Variants in CACNB2 observed in about 807,000 individuals in gnomAD.
CACNB2 encodes the protein calcium voltage-gated channel auxiliary subunit beta 2.
In CACNB2, 42 loss-of-function variants were observed where a neutral mutation model predicts 73.3. The ratio of observed to expected loss-of-function variants is 0.57; its 90% confidence interval spans 0.45 to 0.74. The LOEUF (loss-of-function observed/expected upper bound fraction) is 0.74. CACNB2 is among the 30% of genes least tolerant of loss of function. CACNB2 has a pLI of 0.00. For synonymous variants in CACNB2, 348 were observed against 310.3 expected (o/e 1.12, Z -1.28); for missense variants, 940 against 853.0 (o/e 1.10, Z -1.27).
At chr10:18,239,703 A>T (rs543643528) in intron 2 of CACNB2, among the ~76,000 whole-genome samples, 7 of 152,296 alleles carry the variant, frequency 4.6e-5, no homozygotes, top group Non-Finnish European at 1.0e-4. Flanking sequence ...GTACAATTAT[A>T]TTAATTAAGT....
intron 3 of CACNB2, among the ~76,000 whole-genome samples, chr10:18,488,616 G>A (rs1446343810): frequency 6.6e-6 from 1 of 151,808 alleles, no homozygotes; most frequent in East Asian, 1.9e-4. Context: ...TCTAACATGT[G>A]AAGGTGTTCA....
chr10:18,193,457 C>T (rs1232448395), intron 2 of CACNB2, among the ~76,000 whole-genome samples: 1 of 152,082 alleles, frequency 6.6e-6, no homozygotes, highest in African/African-American at 2.4e-5. Context: ...AAGGAAAAGG[C>T]CCTTTTAATG....
intron 2 of CACNB2, among the ~76,000 whole-genome samples, chr10:18,234,851 A>G (rs2036370179): frequency 6.6e-6 from 1 of 152,202 alleles, no homozygotes; most frequent in South Asian, 2.1e-4. Context: ...ACACTTAAAA[A>G]TAGTTAAAAG....
At chr10:18,171,543 A>AAAAAAAAAAAAAAAAAAAAAAAAAG (rs1564314409) in intron 2 of CACNB2, among the ~76,000 whole-genome samples, 1 of 138,888 alleles carries the variant, frequency 7.2e-6, no homozygotes, top group African/African-American at 3.2e-5. Flanking sequence ...AAAAAAAAAA[A>AAAAAAAAAAAAAAAAAAAAAAAAAG]AAAAAAGGCT....
chr10:18,505,528 A>G (rs984268678), intron 5 of CACNB2, among the ~76,000 whole-genome samples: 5 of 152,356 alleles, frequency 3.3e-5, no homozygotes, highest in Admixed American at 2.6e-4. Flanking sequence ...TTTTATTTCC[A>G]TATTAATATT....
intron 3 of CACNB2, among the ~76,000 whole-genome samples, chr10:18,468,845 C>T (rs1391332802): frequency 2.0e-5 from 3 of 152,076 alleles, no homozygotes; most frequent in Non-Finnish European, 2.9e-5. Context: ...GTGATTCGCC[C>T]GCCCTAGCCT....
chr10:18,161,851 C>T (rs2032491700), intron 2 of CACNB2, among the ~76,000 whole-genome samples: 1 of 151,998 alleles, frequency 6.6e-6, no homozygotes, highest in Admixed American at 6.6e-5. Context: ...ATCACTTGAA[C>T]CTGGAAGGCA....
At chr10:18,217,465 C>G (rs1239334026) in intron 2 of CACNB2, among the ~76,000 whole-genome samples, 1 of 151,834 alleles carries the variant, frequency 6.6e-6, no homozygotes, top group Admixed American at 6.6e-5. Flanking sequence ...GCCTGGGCGA[C>G]AGAGTGAGAC....
At chr10:18,259,772 A>G (rs1188081588) in intron 2 of CACNB2, among the ~76,000 whole-genome samples, 1 of 150,802 alleles carries the variant, frequency 6.6e-6, no homozygotes, top group African/African-American at 2.4e-5. Flanking sequence ...GTGTGGTGGC[A>G]TGCACCTACA....
intron 2 of CACNB2, among the ~76,000 whole-genome samples, chr10:18,201,273 A>G (rs1458795888): frequency 7.3e-6 from 1 of 137,736 alleles, no homozygotes; most frequent in Non-Finnish European, 1.6e-5. Context: ...AGGGTCCAGT[A>G]TCTTTTTTTT....
chr10:18,185,658 T>G (rs1439685691), intron 2 of CACNB2, among the ~76,000 whole-genome samples: 1 of 152,236 alleles, frequency 6.6e-6, no homozygotes, highest in African/African-American at 2.4e-5. Context: ...ATCTTTTACC[T>G]TGACAAAAGG....
intron 9 of CACNB2, chr10:18,519,960 T>C (rs777846806): frequency 2.1e-5 from 7 of 335,886 alleles, no homozygotes; most frequent in Non-Finnish European, 3.5e-5. Context: ...AACCACACTT[T>C]TCTGGTTTTC....
Position 18,224,528 on chromosome 10 carries a change from G to A in CACNB2, c.213+73553G>A, listed in dbSNP as rs138778880. On this transcript the variant is annotated intron_variant, in intron 2 of 13. Coordinates refer to ENST00000324631, the MANE Select transcript of CACNB2 (RefSeq NM_201596.3). ...AGAATTTCTTTCTCTAACCCACGAA[G>A]GGTTGGGACAGATGCTCATATTCTC... is the stretch of plus-strand genomic sequence containing the variant. Among the ~76,000 whole-genome samples the A allele has an allele frequency of 3.0e-3, 455 of 152,200 alleles. 2 individuals carry two copies. Among genetic ancestry groups the A allele is most frequent in the African/African-American group, 9.7e-3 (404 of 41,530 alleles).
intron 2 of CACNB2, among the ~76,000 whole-genome samples, chr10:18,356,000 A>C (rs1325813128): frequency 1.3e-4 from 20 of 151,504 alleles, no homozygotes; most frequent in African/African-American, 4.9e-4. Flanking sequence ...TATGCAAAAA[A>C]CCCCACAACT....
chr10:18,264,052 A>C (rs1328327439), intron 2 of CACNB2, among the ~76,000 whole-genome samples: 2 of 152,252 alleles, frequency 1.3e-5, no homozygotes, highest in Non-Finnish European at 2.9e-5. Flanking sequence ...ATACTCTTAA[A>C]TTTAAAAGGA....
chr10:18,150,827 T>G, intron 1 of CACNB2, 56 bp from the exon 2 acceptor site: 1 of 1,155,604 alleles, frequency 8.7e-7, no homozygotes, highest in Admixed American at 2.2e-5. Flanking sequence ...ACATTCCTGT[T>G]AAAGGGTCTC....
intron 2 of CACNB2, among the ~76,000 whole-genome samples, chr10:18,225,120 G>T (rs2131413818): frequency 6.6e-6 from 1 of 151,932 alleles, no homozygotes; most frequent in Non-Finnish European, 1.5e-5. Flanking sequence ...TCAGGCTTTT[G>T]GCTGCACATA....
At chr10:18,414,168 C>A (rs10828662) in intron 3 of CACNB2, among the ~76,000 whole-genome samples, 1 of 152,036 alleles carries the variant, frequency 6.6e-6, no homozygotes, top group Non-Finnish European at 1.5e-5. Flanking sequence ...TGCATCCCCA[C>A]CCATCCCAGT....
At chr10:18,471,047 G>A (rs2048162658) in intron 3 of CACNB2, among the ~76,000 whole-genome samples, 2 of 152,190 alleles carry the variant, frequency 1.3e-5, no homozygotes, top group African/African-American at 4.8e-5. Flanking sequence ...GGTCACACCT[G>A]TAATCCCAGA....
Sources: gnomAD v4.1 joint callset for allele counts (sites outside exome capture counted in the v4.1 genomes callset) on GRCh38, gnomAD v4.1.1 for gene constraint, MANE v1.5 for transcripts, NCBI Gene and HGNC (gene_info 2026-07-23, HGNC 2026-07-21) for gene names.